BICC1: variants seen among roughly 807,000 people sequenced by gnomAD.
BICC1 encodes the protein BicC family RNA binding protein 1.
BICC1 carries 43 observed loss-of-function variants against 111.0 expected under a neutral mutation model. The observed-to-expected ratio is 0.39, with a 90% CI of 0.30 to 0.50. The LOEUF (loss-of-function observed/expected upper bound fraction) is 0.50. Among genes scored for constraint, BICC1 ranks in the 20% least tolerant of loss-of-function variants. BICC1 has a pLI of 0.88. For missense variants in BICC1, 1,091 were observed against 1,203.2 expected (o/e 0.91, Z 1.38); for synonymous variants, 467 against 434.4 (o/e 1.07, Z -0.93).
At chr10:58,528,843 T>G (rs1842611917) in intron 1 of BICC1, among the ~76,000 whole-genome samples, 1 of 151,960 alleles carries the variant, frequency 6.6e-6, no homozygotes, top group African/African-American at 2.4e-5. Flanking sequence ...TGTTAGAAGC[T>G]GAGTTGGTTC....
rs77535076 is a variant in BICC1, at chr10:58,769,733, C to A, written c.308-15268C>A. Among the ~76,000 whole-genome samples, 990 of 151,968 alleles carry A rather than the reference C, an allele frequency of 6.5e-3. 12 individuals carry two copies. Among genetic ancestry groups the A allele is most frequent in the African/African-American group, 0.023 (938 of 41,506 alleles). On this transcript the variant is annotated intron_variant, in intron 3 of 20. Transcript: ENST00000373886. Reference sequence around the variant, plus strand: ...AAAATATTTTTATGAATATCAATGGCTTTTTCTTTTGAGATTCTACTGTAT... The same window carrying A: ...AAAATATTTTTATGAATATCAATGGATTTTTCTTTTGAGATTCTACTGTAT...
At chr10:58,655,876 G>C (rs1233975882) in intron 2 of BICC1, among the ~76,000 whole-genome samples, 1 of 151,674 alleles carries the variant, frequency 6.6e-6, no homozygotes, top group Non-Finnish European at 1.5e-5. Flanking sequence ...CTAATTTATT[G>C]AGAGTTTTTA....
At chr10:58,558,143 G>T (rs1020350821) in intron 1 of BICC1, among the ~76,000 whole-genome samples, 3 of 152,048 alleles carry the variant, frequency 2.0e-5, no homozygotes, top group Non-Finnish European at 4.4e-5. Context: ...TTGTGAACAG[G>T]AGGAGCTGTT....
chr10:58,696,684 G>C (rs1840074237), intron 2 of BICC1, among the ~76,000 whole-genome samples: 1 of 152,194 alleles, frequency 6.6e-6, no homozygotes, highest in Admixed American at 6.5e-5. Context: ...GATTTCTTTT[G>C]TCAATGAGGA....
At chr10:58,744,654 A>G (rs1231394399) in intron 3 of BICC1, among the ~76,000 whole-genome samples, 1 of 149,276 alleles carries the variant, frequency 6.7e-6, no homozygotes. Context: ...CTTACATTCC[A>G]TGATGAAACT....
intron 2 of BICC1, among the ~76,000 whole-genome samples, chr10:58,700,287 G>A (rs1840191979): frequency 6.6e-6 from 1 of 152,140 alleles, no homozygotes; most frequent in Admixed American, 6.5e-5. Flanking sequence ...GAAGGGGCTG[G>A]GACAGGAAAT....
chr10:58,803,038 A>G (rs779823570), intron 14 of BICC1, 39 bp from the exon 15 acceptor site: 3 of 1,526,926 alleles, frequency 2.0e-6, no homozygotes, highest in South Asian at 1.3e-5. Flanking sequence ...ACATTTGTAT[A>G]TATAGTGGAG....
chr10:58,521,768 GTTTTTTTTTTTTTTTTTTTT>G (rs573116230), intron 1 of BICC1, among the ~76,000 whole-genome samples: 69,367 of 113,438 alleles, frequency 0.61, 18,901 homozygotes, highest in African/African-American at 0.7. Context: ...GGAATGTGGT[GTTTTTTTTTTTTTTTTTTTT>G]TTTTTTTTTT....
intron 3 of BICC1, among the ~76,000 whole-genome samples, chr10:58,741,368 T>A (rs1469904683): frequency 2.0e-5 from 3 of 152,206 alleles, no homozygotes; most frequent in African/African-American, 7.2e-5. Flanking sequence ...GAAGTTAGTA[T>A]TTTGTGACTG....
chr10:58,780,467 C>T (rs1372573911), intron 3 of BICC1, among the ~76,000 whole-genome samples: 1 of 152,124 alleles, frequency 6.6e-6, no homozygotes. Context: ...AGCACTTAAT[C>T]ATGGAGACAG....
At chr10:58,712,299 T>C (rs1852550036) in intron 3 of BICC1, among the ~76,000 whole-genome samples, 1 of 152,210 alleles carries the variant, frequency 6.6e-6, no homozygotes, top group Admixed American at 6.5e-5. Context: ...TGCAGTTTCT[T>C]GTAGAATTAA....
intron 3 of BICC1, among the ~76,000 whole-genome samples, chr10:58,774,599 A>G (rs1259002628): frequency 3.3e-5 from 5 of 152,216 alleles, no homozygotes; most frequent in Admixed American, 2.0e-4. Context: ...AGTAATCACT[A>G]TTAATTTGGT....
At chr10:58,738,634 G>C (rs1169836015) in intron 3 of BICC1, among the ~76,000 whole-genome samples, 85 of 142,346 alleles carry the variant, frequency 6.0e-4, no homozygotes, top group African/African-American at 1.5e-3. Flanking sequence ...GAAAGTCATT[G>C]GTAGCTTGAT....
intron 3 of BICC1, among the ~76,000 whole-genome samples, chr10:58,759,331 A>G (rs1380761380): frequency 1.3e-5 from 2 of 152,296 alleles, no homozygotes; most frequent in East Asian, 1.9e-4. Flanking sequence ...ACAAATTTCA[A>G]TATAAACAAA....
chr10:58,554,466 A>G lies in BICC1; in HGVS notation c.190+41133A>G, dbSNP rs1843386653. Among the ~76,000 whole-genome samples the G allele has an allele frequency of 2.0e-5, 3 of 152,176 alleles. No individual in the cohort carries two copies. In the South Asian group the frequency reaches 6.2e-4, roughly 32 times the overall value. On this transcript the variant is annotated intron_variant, in intron 1 of 20. Coordinates refer to ENST00000373886, the MANE Select transcript of BICC1 (RefSeq NM_001080512.3). ...CAATATATAGATTCTCTTATTAAAC[A>G]TGTTAGCCATTATAAACGCCTTAGG...
At chr10:58,525,617 A>G (rs1335750689) in intron 1 of BICC1, among the ~76,000 whole-genome samples, 1 of 149,988 alleles carries the variant, frequency 6.7e-6, no homozygotes, top group Non-Finnish European at 1.5e-5. Flanking sequence ...ATGTTAAATA[A>G]TGAGTTAATG....
chr10:58,544,081 C>T (rs1843071276), intron 1 of BICC1, among the ~76,000 whole-genome samples: 1 of 152,040 alleles, frequency 6.6e-6, no homozygotes, highest in Admixed American at 6.6e-5. Flanking sequence ...CCATTGGAAC[C>T]TGAACCATGA....
intron 3 of BICC1, among the ~76,000 whole-genome samples, chr10:58,739,880 T>C (rs1358649800): frequency 6.6e-6 from 1 of 152,212 alleles, no homozygotes; most frequent in Non-Finnish European, 1.5e-5. Context: ...TCAAAGAAGG[T>C]TGCCCCTTTG....
At chr10:58,732,977 TGACA>T (rs1841362655) in intron 3 of BICC1, among the ~76,000 whole-genome samples, 1 of 152,006 alleles carries the variant, frequency 6.6e-6, no homozygotes. Context: ...AAAATGGCAC[TGACA>T]GACTTGCTTG....
Sources: allele counts gnomAD v4.1 joint callset (sites outside exome capture counted in the v4.1 genomes callset), GRCh38; gene constraint gnomAD v4.1.1; transcripts MANE v1.5; gene names NCBI Gene and HGNC (gene_info 2026-07-23, HGNC 2026-07-21).